HABP4: variants seen among roughly 807,000 people sequenced by gnomAD.
HABP4 encodes hyaluronan binding protein 4, also known as intracellular hyaluronan-binding protein 4.
A neutral mutation model predicts 44.1 loss-of-function variants in HABP4; 32 were observed. The ratio of observed to expected loss-of-function variants is 0.73; its 90% CI spans 0.55 to 0.97. HABP4 has a LOEUF of 0.97. HABP4 is among the 50% of genes least tolerant of loss of function. The pLI, the probability that HABP4 is intolerant of heterozygous loss-of-function variation, is 0.00. For missense variants in HABP4, 503 were observed against 561.9 expected (o/e 0.90, Z 1.06); for synonymous variants, 216 against 218.0 (o/e 0.99, Z 0.08).
chr9:96,466,861 C>T (rs1047223632), intron 4 of HABP4, among the ~76,000 whole-genome samples: 1 of 151,480 alleles, frequency 6.6e-6, no homozygotes, highest in Admixed American at 6.6e-5. Flanking sequence ...GCAGGCTTCC[C>T]GCTAGTGCAG....
In HABP4 at chr9:96,464,171, G is replaced by A. The variant is rs143539273; in HGVS notation, c.513-1166G>A. Among the ~76,000 whole-genome samples the A allele has an allele frequency of 9.2e-5, 14 of 152,278 alleles. No homozygotes were observed. In the East Asian group the frequency reaches 2.5e-3, roughly 27 times the overall value. Reference sequence around the variant, plus strand: ...TATTGTGAGTTGGGAATCACAGGAGGAATAAGGGCTCCGCGTTGGGCATGT... The same window carrying A: ...TATTGTGAGTTGGGAATCACAGGAGAAATAAGGGCTCCGCGTTGGGCATGT... On this transcript the variant is annotated intron_variant, in intron 2 of 7. Coordinates refer to ENST00000375249, the MANE Select transcript of HABP4 (RefSeq NM_014282.4).
intron 3 of HABP4, 39 bp from the exon 4 acceptor site, chr9:96,465,671 C>A: frequency 7.2e-7 from 1 of 1,391,610 alleles, no homozygotes; most frequent in South Asian, 1.2e-5. Flanking sequence ...TGACTGGAGA[C>A]TAGCTTCTGG....
Position 96,450,441 on chromosome 9 carries a change from G to T in HABP4, c.162G>T (p.Gln54His). 7.8e-7 allele frequency: 1 copy of T among 1,288,030 alleles called. No homozygotes were observed. The highest frequency in any genetic ancestry group is 3.3e-5 in the East Asian group (1 of 30,054). The allele number at this position is 1,288,030 out of a possible 1,614,324, so 79.8% of individuals were successfully genotyped here. A position where few individuals can be genotyped will look rare whatever the true frequency, so the allele number is the denominator to read the frequency against. ...AGCGCCGGCGCCAGCAGCAGCTGCA[G>T]CGCAAGAGGCGCGACGAGGCGGCGG... The part of the protein sequence containing the change: ...EAERRRQQQL[Q>H]RKRRDEAAAA... Residue 54 changes from glutamine (Q) to histidine (H), a missense_variant, in exon 1 of 8, where the codon CAG becomes CAT. This residue lies in a region of HABP4 where 290 missense variants were observed against 300.5 expected (regional missense o/e 0.97). Coordinates refer to ENST00000375249, the MANE Select transcript of HABP4 (RefSeq NM_014282.4). The surrounding 1 kb of genome is among the most constrained non-coding windows in gnomAD (Gnocchi z 4.8).
At chr9:96,463,507 G>A (rs1832544149) in intron 2 of HABP4, among the ~76,000 whole-genome samples, 1 of 152,078 alleles carries the variant, frequency 6.6e-6, no homozygotes, top group African/African-American at 2.4e-5. Context: ...TGCCCGTCTC[G>A]GCTTCCCAAA....
intron 4 of HABP4, among the ~76,000 whole-genome samples, chr9:96,469,473 A>G (rs987367476): frequency 1.3e-5 from 2 of 152,242 alleles, no homozygotes; most frequent in Non-Finnish European, 2.9e-5. Context: ...TGAAGTCAAA[A>G]TATAGACATG....
chr9:96,467,801 C>T (rs575884208), intron 4 of HABP4, among the ~76,000 whole-genome samples: 3 of 152,338 alleles, frequency 2.0e-5, no homozygotes, highest in Middle Eastern at 3.4e-3. Context: ...GCTGGGATTA[C>T]AGGCGTGAGC....
At position 96,488,396 on chromosome 9, in the gene HABP4, G is replaced by A; in HGVS notation, c.1185+122G>A. 1.5e-6 allele frequency: 1 copy of A among 649,652 alleles called. No homozygotes were observed. Among genetic ancestry groups the A allele is most frequent in the Non-Finnish European group, 2.6e-6 (1 of 382,920 alleles). 40.2% of individuals were successfully genotyped at this position (649,652 alleles called of 1,614,324 possible). A position where few individuals can be genotyped will look rare whatever the true frequency, so the allele number is the denominator to read the frequency against. On this transcript the variant is annotated intron_variant, in intron 7 of 7. Coordinates refer to ENST00000375249, the MANE Select transcript of HABP4 (RefSeq NM_014282.4). This position sits in a 1 kb window ranked among gnomAD's most constrained non-coding sequence, Gnocchi z 4.6. ...GTCACTTCTTTCTGTAGCTAGTGTGGGACTGATGTTGGGGCATTTGGACGG... is the reference window on the plus strand; with the variant it reads ...GTCACTTCTTTCTGTAGCTAGTGTGAGACTGATGTTGGGGCATTTGGACGG...
chr9:96,484,200 A>C (rs1253062565), intron 5 of HABP4: 2 of 302,680 alleles, frequency 6.6e-6, no homozygotes, highest in African/African-American at 4.3e-5. Context: ...GTGTGATGTT[A>C]ATGTCATCAG....
At chr9:96,471,746 A>G (rs1449821274) in intron 5 of HABP4, among the ~76,000 whole-genome samples, 1 of 151,692 alleles carries the variant, frequency 6.6e-6, no homozygotes, top group Admixed American at 6.6e-5. Context: ...TTCATTATGT[A>G]GCTTAGATAC....
At chr9:96,471,431 G>A (rs1832696883) in intron 5 of HABP4, among the ~76,000 whole-genome samples, 2 of 151,992 alleles carry the variant, frequency 1.3e-5, no homozygotes, top group Admixed American at 1.3e-4. Flanking sequence ...GTGAGCCACC[G>A]CACCTGGCCT....
In HABP4 at chr9:96,465,517, G is replaced by T; in HGVS notation, c.674+19G>T. The T allele has an allele frequency of 6.4e-7, 1 of 1,552,970 alleles. No homozygotes were observed. Among genetic ancestry groups the T allele is most frequent in the Non-Finnish European group, 8.9e-7 (1 of 1,124,300 alleles). ...ACAAAATGTAAGTTTCTTTGTAAATGCTATTTTCACTTTAAGATGGTGTCA... is the reference window on the plus strand; with the variant it reads ...ACAAAATGTAAGTTTCTTTGTAAATTCTATTTTCACTTTAAGATGGTGTCA... On this transcript the variant is annotated intron_variant, in intron 3 of 7. Coordinates refer to ENST00000375249, the MANE Select transcript of HABP4 (RefSeq NM_014282.4).
intron 4 of HABP4, among the ~76,000 whole-genome samples, chr9:96,469,748 C>T (rs1832662011): frequency 6.6e-6 from 1 of 152,082 alleles, no homozygotes; most frequent in African/African-American, 2.4e-5. Context: ...GTCTCAATCT[C>T]CTGACCTCGT....
chr9:96,467,953 GC>G (rs1314501213), intron 4 of HABP4, among the ~76,000 whole-genome samples: 1 of 152,212 alleles, frequency 6.6e-6, no homozygotes, highest in Non-Finnish European at 1.5e-5. Context: ...GCCAGCCTTG[GC>G]CTTGTAATGT....
At chr9:96,453,625 G>A (rs1832325462) in intron 1 of HABP4, among the ~76,000 whole-genome samples, 1 of 152,292 alleles carries the variant, frequency 6.6e-6, no homozygotes, top group African/African-American at 2.4e-5. Context: ...TTTCAGTTTT[G>A]CTTTTCCTAG....
At chr9:96,469,708 A>G (rs549767505) in intron 4 of HABP4, among the ~76,000 whole-genome samples, 1 of 152,272 alleles carries the variant, frequency 6.6e-6, no homozygotes, top group East Asian at 1.9e-4. Flanking sequence ...TTTTTGGTAG[A>G]GACGGTGTTT....
chr9:96,486,979 G>A (rs1832986314), intron 6 of HABP4, among the ~76,000 whole-genome samples: 1 of 152,010 alleles, frequency 6.6e-6, no homozygotes, highest in Admixed American at 6.5e-5. Context: ...GCCAAACAAG[G>A]CAAGGGTTGA....
In HABP4 at chr9:96,475,979, C is replaced by G. The variant is rs544720037; in HGVS notation, c.827+4885C>G. Among the ~76,000 whole-genome samples the G allele has an allele frequency of 3.9e-5, 6 of 152,328 alleles. No individual in the cohort carries two copies. In the South Asian group the frequency reaches 1.2e-3, roughly 32 times the overall value. Reference sequence around the variant, plus strand: ...TCTGGAACCTACTTTCTTTGATTCACTGCACTCTTTCATATATTCAGGTGA... The same window carrying G: ...TCTGGAACCTACTTTCTTTGATTCAGTGCACTCTTTCATATATTCAGGTGA... On this transcript the variant is annotated intron_variant, in intron 5 of 7. Coordinates refer to ENST00000375249, the MANE Select transcript of HABP4 (RefSeq NM_014282.4).
chr9:96,485,086 CTT>C (rs1832946679), intron 6 of HABP4, among the ~76,000 whole-genome samples: 1 of 150,134 alleles, frequency 6.7e-6, no homozygotes, highest in Non-Finnish European at 1.5e-5. Context: ...GAGTTTCGCT[CTT>C]GTTGCCCAGG....
At chr9:96,457,099 A>G (rs1832407069) in intron 1 of HABP4, among the ~76,000 whole-genome samples, 1 of 152,032 alleles carries the variant, frequency 6.6e-6, no homozygotes, top group Non-Finnish European at 1.5e-5. Flanking sequence ...GGACAGAGGA[A>G]AAGACCAGAG....
Sources: allele counts gnomAD v4.1 joint callset (sites outside exome capture counted in the v4.1 genomes callset), GRCh38; gene constraint gnomAD v4.1.1; regional missense constraint gnomAD v4.1.1; non-coding constraint Gnocchi (gnomAD v3.1); transcripts MANE v1.5; gene names NCBI Gene and HGNC (gene_info 2026-07-23, HGNC 2026-07-21).